Variants in SYNE1 observed in about 807,000 individuals in gnomAD.
SYNE1 encodes spectrin repeat containing nuclear envelope protein 1.
A neutral mutation model predicts 1,111.0 loss-of-function variants in SYNE1; 616 were observed. The ratio of observed to expected loss-of-function variants is 0.55; its 90% CI spans 0.52 to 0.59. SYNE1 has a LOEUF of 0.59. SYNE1 is among the 20% of genes least tolerant of loss of function. SYNE1 has a pLI of 0.00. For missense variants in SYNE1, 10,006 were observed against 10,417.0 expected (o/e 0.96, Z 1.72); for synonymous variants, 3,855 against 3,825.8 (o/e 1.01, Z -0.28).
intron 61 of SYNE1, chr6:152,367,981 T>A (rs112970394): frequency 2.9e-3 from 451 of 155,318 alleles, no homozygotes; most frequent in Non-Finnish European, 4.9e-3. Context: ...TCTAAGATGA[T>A]TCATTCCTTA....
rs1564159360 is a variant in SYNE1, at chr6:152,456,172, A to G, written c.2569-128T>C. The G allele has an allele frequency of 4.3e-6, 4 of 920,642 alleles. No individual in the cohort carries two copies. In the East Asian group the frequency reaches 9.8e-5, roughly 23 times the overall value. The allele number at this position is 920,642 out of a possible 1,614,324, so 57.0% of individuals were successfully genotyped here. Reference sequence around the variant, plus strand: ...TTTTAGGCTTCTAACACCAATAAGTAAAACCAAAAGTATGGTGGAACATTT... The same window carrying G: ...TTTTAGGCTTCTAACACCAATAAGTGAAACCAAAAGTATGGTGGAACATTT... On this transcript the variant is annotated intron_variant, in intron 22 of 145. Transcript: ENST00000367255.
Position 152,376,805 on chromosome 6 carries a change from T to A in SYNE1, c.9117A>T (p.Lys3039Asn), listed in dbSNP as rs77221231. 6.2e-7 allele frequency: 1 copy of A among 1,614,062 alleles called. No homozygotes were observed. Among genetic ancestry groups the A allele is most frequent in the East Asian group, 2.2e-5 (1 of 44,856 alleles). ...TATACTCTTTAATCAAGCCAGAAAC[T>A]TTTCCACTGTAGGTACTCAGGTCTC... ...FSRDLSTYSG[K>N]VSGLIKEYNC... Residue 3039 changes from lysine (K) to asparagine (N), a missense_variant, in exon 57 of 146, where the codon AAA becomes AAT. Around this residue, in one of 7 missense-constraint regions of SYNE1, gnomAD observed 4,955 missense variants for 5,017.2 expected, o/e 0.99. Coordinates refer to ENST00000367255, the MANE Select transcript of SYNE1 (RefSeq NM_182961.4).
chr6:152,377,274 C>A (rs2097297739), intron 56 of SYNE1, among the ~76,000 whole-genome samples: 1 of 151,986 alleles, frequency 6.6e-6, no homozygotes, highest in African/African-American at 2.4e-5. Flanking sequence ...AAGGTGAAAA[C>A]AAATTATTTT....
chr6:152,300,578 CA>C, intron 93 of SYNE1, 62 bp downstream of exon 93: 1 of 1,609,128 alleles, frequency 6.2e-7, no homozygotes, highest in Non-Finnish European at 8.5e-7. Flanking sequence ...CTAATGGAAA[CA>C]GAGAATGGAG....
intron 126 of SYNE1, among the ~76,000 whole-genome samples, chr6:152,204,584 C>T (rs1208901070): frequency 6.6e-6 from 1 of 152,012 alleles, no homozygotes; most frequent in Non-Finnish European, 1.5e-5. Flanking sequence ...GCTATATAAA[C>T]ATCAAAATTC....
chr6:152,507,585 C>G (rs191493280), intron 8 of SYNE1, among the ~76,000 whole-genome samples: 1 of 152,056 alleles, frequency 6.6e-6, no homozygotes, highest in East Asian at 1.9e-4. Context: ...AGATATGAAC[C>G]AAAAGAAAGA....
At chr6:152,393,575 T>C (rs1159308472) in intron 51 of SYNE1, among the ~76,000 whole-genome samples, 1 of 151,894 alleles carries the variant, frequency 6.6e-6, no homozygotes, top group Non-Finnish European at 1.5e-5. Context: ...AACTCATAGC[T>C]GGAAATTGGG....
intron 9 of SYNE1, 33 bp from the exon 10 acceptor site, chr6:152,502,775 A>C (rs764865608): frequency 6.9e-7 from 1 of 1,448,850 alleles, no homozygotes; most frequent in Non-Finnish European, 9.7e-7. Flanking sequence ...TGAATAAACT[A>C]ATTAGCATTC....
chr6:152,162,447 A>G (rs1392915206), intron 131 of SYNE1, among the ~76,000 whole-genome samples: 2 of 152,074 alleles, frequency 1.3e-5, no homozygotes, highest in Non-Finnish European at 2.9e-5. Context: ...CATATGATCA[A>G]TTTGCCATAT....
chr6:152,199,906 C>T (rs2075053226), intron 127 of SYNE1, among the ~76,000 whole-genome samples: 1 of 152,174 alleles, frequency 6.6e-6, no homozygotes, highest in Non-Finnish European at 1.5e-5. Context: ...TTGTAACTGT[C>T]ATGTTTTTTG....
intron 13 of SYNE1, among the ~76,000 whole-genome samples, chr6:152,483,643 G>A (rs763545643): frequency 3.9e-5 from 6 of 152,064 alleles, no homozygotes; most frequent in Non-Finnish European, 8.8e-5. Context: ...TATCTTGGTC[G>A]TCGGAATGAG....
chr6:152,633,891 G>T lies in SYNE1; in HGVS notation c.-224+2747C>A, dbSNP rs1157244099. On this transcript the variant is annotated intron_variant, in intron 2 of 145. Coordinates refer to ENST00000367255, the MANE Select transcript of SYNE1 (RefSeq NM_182961.4). ...CTCTTCTTAGGAATTTGGACTACCTGCTATTTGGGATGCTCCCAGTTGAAA... is the reference window on the plus strand; with the variant it reads ...CTCTTCTTAGGAATTTGGACTACCTTCTATTTGGGATGCTCCCAGTTGAAA... 6.9e-5 allele frequency among the ~76,000 whole-genome samples: 7 copies of T among 101,822 alleles called. No homozygotes were observed. The East Asian group carries it at 1.6e-3, about 23-fold the overall frequency. The allele number at this position is 101,822 out of a possible 152,430, so 66.8% of individuals were successfully genotyped here. A position where few individuals can be genotyped will look rare whatever the true frequency, so the allele number is the denominator to read the frequency against.
chr6:152,617,283 A>T (rs1309956590), intron 3 of SYNE1, among the ~76,000 whole-genome samples: 1 of 152,182 alleles, frequency 6.6e-6, no homozygotes, highest in African/African-American at 2.4e-5. Flanking sequence ...AATTTAGACC[A>T]TCCAGTAGAG....
intron 51 of SYNE1, 147 bp from the exon 52 acceptor site, chr6:152,391,715 C>G: frequency 3.1e-6 from 3 of 978,020 alleles, no homozygotes; most frequent in Admixed American, 5.5e-5. Flanking sequence ...ATGCTGGGAA[C>G]TGACCTGGTT....
intron 101 of SYNE1, among the ~76,000 whole-genome samples, chr6:152,261,018 C>T (rs753732035): frequency 8.5e-5 from 13 of 152,088 alleles, no homozygotes; most frequent in South Asian, 4.1e-4. Flanking sequence ...TGGCAGGTTG[C>T]GCCTGCTTTC....
intron 67 of SYNE1, 33 bp from the exon 68 acceptor site, chr6:152,353,777 A>C (rs369480276): frequency 1.2e-4 from 193 of 1,612,226 alleles, no homozygotes; most frequent in Non-Finnish European, 1.6e-4. Context: ...GGAAAGATTC[A>C]ATCTTAGCCA....
Position 152,213,646 on chromosome 6 carries a change from T to C in SYNE1, c.22460A>G (p.Tyr7487Cys). The part of the protein sequence containing the change: ...QKLAVEISGN[Y>C]QHLLEQQRAH... Reference sequence around the variant, plus strand: ...TCTCTGCTGTTCCAAAAGGTGCTGATAATTTCCTGAAATCTCTACTGCTAA... The same window carrying C: ...TCTCTGCTGTTCCAAAAGGTGCTGACAATTTCCTGAAATCTCTACTGCTAA... The change falls in exon 123 of 146, where the codon TAT (tyrosine) becomes TGT (cysteine). Residue 7487 changes from tyrosine to cysteine, a missense_variant. Coordinates refer to ENST00000367255, the MANE Select transcript of SYNE1 (RefSeq NM_182961.4). 3 of 1,614,164 alleles carry C rather than the reference T, an allele frequency of 1.9e-6. No individual in the cohort carries two copies. The highest frequency in any genetic ancestry group is 2.2e-5 in the East Asian group (1 of 44,872).
At position 152,344,204 on chromosome 6, in the gene SYNE1, T is replaced by C; in HGVS notation, c.12102A>G (p.Glu4034=). The C allele has an allele frequency of 6.2e-7, 1 of 1,614,208 alleles. No individual in the cohort carries two copies. The highest frequency in any genetic ancestry group is 8.5e-7 in the Non-Finnish European group (1 of 1,180,032). ...AQRMYQSLEH[E]LQKHVSRQDT... ...CTTGTCGGCTGACGTGCTTCTGAAG[T>C]TCGTGTTCCAAACTCTGGTACATCT... The change falls in exon 74 of 146, where the codon GAA becomes GAG. Residue 4034 remains glutamate, a synonymous_variant. Transcript: ENST00000367255.
chr6:152,358,480 G>T lies in SYNE1; in HGVS notation c.10501C>A (p.Leu3501Ile). 1 of 1,614,034 alleles carries T rather than the reference G, an allele frequency of 6.2e-7. No homozygotes were observed. Among genetic ancestry groups the T allele is most frequent in the South Asian group, 1.1e-5 (1 of 91,066 alleles). ...CCCAACCAAACTTCAAATGCCTTTA[G>T]GTCTCTCTGATACTCTTGGTGCAGG... ...VRLHQEYQRD[L>I]KAFEVWLGQE... Residue 3501 changes from leucine to isoleucine, a missense_variant, in exon 66 of 146, where the codon CTA becomes ATA. This residue lies in a region of SYNE1 where 4,955 missense variants were observed against 5,017.2 expected (regional missense o/e 0.99). Transcript: ENST00000367255.
Sources: gnomAD v4.1 joint callset for allele counts (sites outside exome capture counted in the v4.1 genomes callset) on GRCh38, gnomAD v4.1.1 for gene constraint, gnomAD v4.1.1 regional missense constraint, MANE v1.5 for transcripts, NCBI Gene and HGNC (gene_info 2026-07-23, HGNC 2026-07-21) for gene names.